EFR3A: variants seen among roughly 807,000 people sequenced by gnomAD.
The protein encoded by EFR3A is protein EFR3 homolog A.
Under a neutral mutation model 104.4 loss-of-function variants are expected in EFR3A, and 76 were observed. The observed-to-expected ratio is 0.73, with a 90% CI of 0.60 to 0.88. The LOEUF (loss-of-function observed/expected upper bound fraction) is 0.88. Ranked by LOEUF, EFR3A falls within the 40% of genes least tolerant of loss-of-function variation. EFR3A has a pLI of 0.00. For synonymous variants in EFR3A, 330 were observed against 330.0 expected (o/e 1.00, Z 0.00); for missense variants, 985 against 1,012.5 (o/e 0.97, Z 0.37).
At chr8:131,934,497 G>A (rs4377945) in intron 1 of EFR3A, among the ~76,000 whole-genome samples, 74,497 of 151,904 alleles carry the variant, frequency 0.49, 18,434 homozygotes, top group Middle Eastern at 0.57. Flanking sequence ...AAATGTCCAA[G>A]GTTTGTTTTA....
chr8:131,933,735 A>T (rs976654660), intron 1 of EFR3A, among the ~76,000 whole-genome samples: 1 of 152,078 alleles, frequency 6.6e-6, no homozygotes, highest in Admixed American at 6.6e-5. Flanking sequence ...TTTAAATTAA[A>T]AATTGTAATA....
chr8:131,952,210 T>G (rs1371121664), intron 5 of EFR3A, among the ~76,000 whole-genome samples: 1 of 152,128 alleles, frequency 6.6e-6, no homozygotes, highest in Non-Finnish European at 1.5e-5. Flanking sequence ...CAGCTAACAC[T>G]GAGTGCTTTC....
chr8:131,910,195 T>C (rs924529), intron 1 of EFR3A, among the ~76,000 whole-genome samples: 126,356 of 152,206 alleles, frequency 0.83, 52,653 homozygotes, highest in East Asian at 0.92. Context: ...GCCTAGCTTT[T>C]TGGGGAACTC....
Position 131,957,639 on chromosome 8 carries a change from A to G in EFR3A, c.776+1734A>G, listed in dbSNP as rs868421049. 4.3e-4 allele frequency among the ~76,000 whole-genome samples: 65 copies of G among 152,296 alleles called. 2 individuals are homozygous for G. The highest frequency in any genetic ancestry group is 1.6e-3 in the African/African-American group (65 of 41,572). ...TGCTGGGATTACAGGCATGAGCCAC[A>G]GCACCCTGCCAGGGCCAGTATCTTT... On this transcript the variant is annotated intron_variant, in intron 7 of 22. Transcript: ENST00000254624.
Position 131,959,681 on chromosome 8 carries a change from A to G in EFR3A, c.855+18A>G, listed in dbSNP as rs1819206284. 11 of 1,570,154 alleles carry G rather than the reference A, an allele frequency of 7.0e-6. No homozygotes were observed. The highest frequency in any genetic ancestry group is 2.3e-5 in the East Asian group (1 of 44,396). The stretch of plus-strand genomic sequence containing the variant: ...CCATTCAGGTAAGGTTTGATTAACT[A>G]TTTACTGTATTTATATAAGTAATTT... On this transcript the variant is annotated intron_variant, in intron 8 of 22. Transcript: ENST00000254624.
intron 14 of EFR3A, among the ~76,000 whole-genome samples, chr8:131,983,762 A>G (rs1423289141): frequency 6.6e-6 from 1 of 152,114 alleles, no homozygotes; most frequent in East Asian, 1.9e-4. Flanking sequence ...AATAATCTTT[A>G]TCATTGCTGA....
rs913739264 is a variant in EFR3A, at chr8:132,001,401, T to C, written c.2158-358T>C. On this transcript the variant is annotated intron_variant, in intron 19 of 22. Coordinates refer to ENST00000254624, the MANE Select transcript of EFR3A (RefSeq NM_015137.6). ...TCTCAGCCTTCACTCTCTCAGAGCA[T>C]TGTTTACTTACAACACAGTGTTCAG... Among the ~76,000 whole-genome samples, 6 of 152,244 alleles carry C rather than the reference T, an allele frequency of 3.9e-5. No homozygotes were observed. The South Asian group carries it at 1.2e-3, about 31-fold the overall frequency.
At chr8:131,933,786 C>T (rs1817737626) in intron 1 of EFR3A, among the ~76,000 whole-genome samples, 1 of 149,690 alleles carries the variant, frequency 6.7e-6, no homozygotes, top group South Asian at 2.1e-4. Context: ...CAGTTAGTTG[C>T]CTCAGGAAAA....
intron 20 of EFR3A, among the ~76,000 whole-genome samples, chr8:132,002,179 A>G (rs962306517): frequency 6.6e-6 from 1 of 152,190 alleles, no homozygotes; most frequent in African/African-American, 2.4e-5. Context: ...CCCCATTCTT[A>G]TTTCAGTTAT....
intron 20 of EFR3A, among the ~76,000 whole-genome samples, chr8:132,002,124 G>A (rs560628100): frequency 3.3e-5 from 5 of 152,246 alleles, no homozygotes; most frequent in East Asian, 1.9e-4. Context: ...TTTCCAAATT[G>A]TGGTAAATAA....
At position 131,984,933 on chromosome 8, in the gene EFR3A, G is replaced by A. The variant is rs1325617254; in HGVS notation, c.1742G>A (p.Ser581Asn). The part of the protein sequence containing the change: ...LIRLAIALQD[S>N]AIINEDNLPM... ...TGTGTTTGTTTCTTATTAAAGGACA[G>A]TGCAATTATCAATGAGGATAATTTG... is the stretch of plus-strand genomic sequence containing the variant. Residue 581 changes from serine (S) to asparagine (N), a missense_variant, in exon 16 of 23, where the codon AGT becomes AAT. By Grantham distance (46) the Ser-to-Asn change is conservative (BLOSUM62 1). Transcript: ENST00000254624. 4 of 1,613,064 alleles carry A rather than the reference G, an allele frequency of 2.5e-6. No individual in the cohort carries two copies. Among genetic ancestry groups the A allele is most frequent in the South Asian group, 2.2e-5 (2 of 91,024 alleles).
intron 6 of EFR3A, among the ~76,000 whole-genome samples, chr8:131,954,212 T>C (rs1029938654): frequency 6.6e-6 from 1 of 152,130 alleles, no homozygotes; most frequent in African/African-American, 2.4e-5. Context: ...AAGTTTACAG[T>C]TTATTTGCCA....
intron 7 of EFR3A, among the ~76,000 whole-genome samples, chr8:131,958,118 A>AT (rs1819117276): frequency 6.6e-6 from 1 of 152,194 alleles, no homozygotes; most frequent in Non-Finnish European, 1.5e-5. Flanking sequence ...TATGCGAACT[A>AT]TAAGTAATTG....
intron 1 of EFR3A, among the ~76,000 whole-genome samples, chr8:131,923,847 G>A (rs1274120392): frequency 6.6e-6 from 1 of 152,026 alleles, no homozygotes; most frequent in East Asian, 1.9e-4. Flanking sequence ...GTGTCCTTTG[G>A]CTTACAAAGA....
intron 12 of EFR3A, among the ~76,000 whole-genome samples, 167 bp from the exon 13 acceptor site, chr8:131,978,680 A>T (rs927602388): frequency 6.6e-6 from 1 of 152,178 alleles, no homozygotes; most frequent in Non-Finnish European, 1.5e-5. Flanking sequence ...ATGTTTTTGT[A>T]AATTCAGCAA....
intron 2 of EFR3A, among the ~76,000 whole-genome samples, chr8:131,941,365 C>T (rs1339501592): frequency 6.6e-6 from 1 of 151,976 alleles, no homozygotes; most frequent in Non-Finnish European, 1.5e-5. Flanking sequence ...TGGCTTTTGA[C>T]TTCCAAAATT....
intron 14 of EFR3A, among the ~76,000 whole-genome samples, chr8:131,980,582 A>G (rs1820557863): frequency 6.6e-6 from 1 of 152,134 alleles, no homozygotes; most frequent in South Asian, 2.1e-4. Flanking sequence ...ATATGTTTTG[A>G]TTATATGTAT....
chr8:131,910,093 T>C (rs1018773465), intron 1 of EFR3A, among the ~76,000 whole-genome samples: 2 of 152,210 alleles, frequency 1.3e-5, no homozygotes, highest in Admixed American at 1.3e-4. Flanking sequence ...CCTTTGATAC[T>C]GTACTTTTCC....
chr8:131,908,355 C>T (rs987728544), intron 1 of EFR3A, among the ~76,000 whole-genome samples: 1 of 152,130 alleles, frequency 6.6e-6, no homozygotes, highest in Non-Finnish European at 1.5e-5. Flanking sequence ...CCACCGCTCC[C>T]GGCCATTTGA....
Sources: allele counts gnomAD v4.1 joint callset (sites outside exome capture counted in the v4.1 genomes callset), GRCh38; gene constraint gnomAD v4.1.1; transcripts MANE v1.5; gene names NCBI Gene and HGNC (gene_info 2026-07-23, HGNC 2026-07-21).